Variants in MXI1 observed in about 807,000 individuals in gnomAD.
The protein encoded by MXI1 is max-interacting protein 1.
In MXI1, 18 loss-of-function variants were observed where a neutral mutation model predicts 36.9. That is an observed-to-expected ratio of 0.49 (90% confidence interval 0.34 to 0.72). The LOEUF is 0.72. MXI1 is among the 30% of genes least tolerant of loss of function. The pLI, the probability that MXI1 is intolerant of heterozygous loss-of-function variation, is 0.01. For synonymous variants in MXI1, 160 were observed against 146.7 expected (o/e 1.09, Z -0.65); for missense variants, 304 against 379.1 (o/e 0.80, Z 1.64).
chr10:110,217,711 C>G (rs936807803), intron 1 of MXI1, among the ~76,000 whole-genome samples: 34 of 152,174 alleles, frequency 2.2e-4, no homozygotes, highest in African/African-American at 7.7e-4. Flanking sequence ...TTGGTGATTC[C>G]AAAGTGAAGC....
intron 5 of MXI1, among the ~76,000 whole-genome samples, chr10:110,280,628 C>T (rs1001712289): frequency 1.3e-5 from 2 of 149,898 alleles, no homozygotes; most frequent in Admixed American, 1.3e-4. Flanking sequence ...TGCAGTGAGC[C>T]GAGATCATGC....
At chr10:110,237,932 A>G (rs1855529129) in intron 2 of MXI1, among the ~76,000 whole-genome samples, 1 of 152,182 alleles carries the variant, frequency 6.6e-6, no homozygotes, top group African/African-American at 2.4e-5. Context: ...ATGCGCTACA[A>G]TGTCCAGCTG....
Position 110,207,880 on chromosome 10 carries a change from G to A in MXI1, c.72G>A (p.Pro24=). 7.9e-7 allele frequency: 1 copy of A among 1,267,594 alleles called. No homozygotes were observed. 78.5% of individuals were successfully genotyped at this position (1,267,594 alleles called of 1,614,324 possible). The change falls in exon 1 of 6, where the codon CCG becomes CCA. Residue 24 remains proline, a synonymous_variant. Coordinates refer to ENST00000332674, the MANE Select transcript of MXI1 (RefSeq NM_130439.3). The part of the protein sequence containing the change: ...EGAGLAPAAP[P]AVPPAVAAPQ... Reference sequence around the variant, plus strand: ...CGGGGCTGGCCCCCGCCGCGCCCCCGGCTGTGCCCCCCGCCGTGGCCGCGC... The same window carrying A: ...CGGGGCTGGCCCCCGCCGCGCCCCCAGCTGTGCCCCCCGCCGTGGCCGCGC...
chr10:110,225,953 C>T, intron 1 of MXI1: 1 of 929,412 alleles, frequency 1.1e-6, no homozygotes, highest in Non-Finnish European at 1.3e-6. Context: ...GGGGCGGGCC[C>T]CGGCGCTGCT....
intron 1 of MXI1, chr10:110,210,179 C>A (rs1357263142): frequency 1.1e-6 from 1 of 893,726 alleles, no homozygotes; most frequent in East Asian, 1.2e-4. Context: ...GGGCCCGTGG[C>A]GGCGTAACCG....
At chr10:110,284,413 A>C (rs2134485044) in intron 5 of MXI1, among the ~76,000 whole-genome samples, 1 of 152,330 alleles carries the variant, frequency 6.6e-6, no homozygotes, top group South Asian at 2.1e-4. Flanking sequence ...GCCTATATTA[A>C]GTTTATGCTC....
chr10:110,238,619 T>C (rs932881423), intron 2 of MXI1, among the ~76,000 whole-genome samples: 6 of 152,228 alleles, frequency 3.9e-5, no homozygotes, highest in African/African-American at 1.4e-4. Flanking sequence ...AAAGATTTTA[T>C]GTAGGATTGG....
chr10:110,278,027 C>T (rs1857098865), intron 3 of MXI1, among the ~76,000 whole-genome samples: 1 of 152,156 alleles, frequency 6.6e-6, no homozygotes, highest in African/African-American at 2.4e-5. Flanking sequence ...GTTCTTGATG[C>T]AGTTAAGACA....
In MXI1 at chr10:110,271,689, C is replaced by G. The variant is rs527418846; in HGVS notation, c.438-7491C>G. ...GAAATGAGGCTGGAAAGGTGGTAGG[C>G]AGAGGACTAAATTATAGTCTTCAAA... is the stretch of plus-strand genomic sequence containing the variant. On this transcript the variant is annotated intron_variant, in intron 3 of 5. Transcript: ENST00000332674. Among the ~76,000 whole-genome samples, 7 of 152,194 alleles carry G rather than the reference C, an allele frequency of 4.6e-5. No homozygotes were observed. The South Asian group carries it at 1.5e-3, about 32-fold the overall frequency.
intron 2 of MXI1, among the ~76,000 whole-genome samples, chr10:110,233,157 A>G (rs1213931751): frequency 2.0e-5 from 3 of 152,198 alleles, no homozygotes; most frequent in Non-Finnish European, 2.9e-5. Flanking sequence ...TCATAAAAGC[A>G]GTATCTCAGT....
At chr10:110,229,220 A>G (rs1855171825) in intron 2 of MXI1, among the ~76,000 whole-genome samples, 1 of 152,250 alleles carries the variant, frequency 6.6e-6, no homozygotes, top group Admixed American at 6.5e-5. Context: ...CAGAAGATTA[A>G]CAGATGGCTG....
intron 1 of MXI1, among the ~76,000 whole-genome samples, chr10:110,220,036 G>C (rs1389717534): frequency 2.6e-5 from 4 of 152,234 alleles, no homozygotes; most frequent in African/African-American, 4.8e-5. Flanking sequence ...CCGCCTCCTA[G>C]TGTGATGGGA....
At chr10:110,233,948 T>C (rs1855364714) in intron 2 of MXI1, among the ~76,000 whole-genome samples, 1 of 152,196 alleles carries the variant, frequency 6.6e-6, no homozygotes, top group Non-Finnish European at 1.5e-5. Flanking sequence ...TGTCAAAATA[T>C]TGAATATATG....
chr10:110,223,012 T>A lies in MXI1; in HGVS notation c.275-5177T>A, dbSNP rs559798477. On this transcript the variant is annotated intron_variant, in intron 1 of 5. Coordinates refer to ENST00000332674, the MANE Select transcript of MXI1 (RefSeq NM_130439.3). ...CCCTTAATACTGCCCACCATGATCA[T>A]CATCTCTCCCCTTCTTCAATGCAGG... Among the ~76,000 whole-genome samples, 3 of 152,346 alleles carry A rather than the reference T, an allele frequency of 2.0e-5. No homozygotes were observed. In the South Asian group the frequency reaches 6.2e-4, roughly 32 times the overall value.
intron 3 of MXI1, among the ~76,000 whole-genome samples, chr10:110,249,699 T>A (rs1590371054): frequency 6.6e-6 from 1 of 152,084 alleles, no homozygotes; most frequent in South Asian, 2.1e-4. Context: ...AATACCAAAG[T>A]ACACTGCATG....
chr10:110,241,533 C>T (rs1006049919), intron 2 of MXI1, among the ~76,000 whole-genome samples: 1 of 151,916 alleles, frequency 6.6e-6, no homozygotes, highest in South Asian at 2.1e-4. Flanking sequence ...ATTACTTTCT[C>T]TGTGTACGTA....
chr10:110,264,087 G>A (rs975275786), intron 3 of MXI1, among the ~76,000 whole-genome samples: 1 of 152,080 alleles, frequency 6.6e-6, no homozygotes. Flanking sequence ...GTGTGTGTGT[G>A]TGTGTGTATG....
At chr10:110,228,878 T>C (rs1207265509) in intron 2 of MXI1, among the ~76,000 whole-genome samples, 1 of 152,170 alleles carries the variant, frequency 6.6e-6, no homozygotes, top group Admixed American at 6.5e-5. Context: ...AAAAAAAATC[T>C]GTTTATCTTT....
Position 110,208,740 on chromosome 10 carries a change from G to GCCC in MXI1, c.274+669_274+671dup, listed in dbSNP as rs34161324. The GCCC allele has an allele frequency of 7.0e-4, 67 of 95,748 alleles. 6 individuals carry two copies. Among genetic ancestry groups the GCCC allele is most frequent in the African/African-American group, 3.2e-3 (64 of 19,932 alleles). 5.9% of individuals were successfully genotyped at this position (95,748 alleles called of 1,614,324 possible). On this transcript the variant is annotated intron_variant, in intron 1 of 5. Transcript: ENST00000332674. ...TCCGTTGCCGTGGGGTGCCACCGCC[G>GCCC]CCCCCCCCCCCCCAAAGAAGGAGGC...
Sources: allele counts gnomAD v4.1 joint callset (sites outside exome capture counted in the v4.1 genomes callset), GRCh38; gene constraint gnomAD v4.1.1; transcripts MANE v1.5; gene names NCBI Gene and HGNC (gene_info 2026-07-23, HGNC 2026-07-21).